The following LANCL3 variants were observed in gnomAD, a reference collection of about 807,000 sequenced individuals.
LANCL3 encodes lanC-like protein 3.
Under a neutral mutation model 26.5 loss-of-function variants are expected in LANCL3, and 19 were observed. The observed-to-expected ratio is 0.72, with a 90% CI of 0.50 to 1.05. The LOEUF is 1.05. Among genes scored for constraint, LANCL3 ranks in the 50% least tolerant of loss-of-function variants. The pLI is 0.00. For synonymous variants in LANCL3, 160 were observed against 166.6 expected (o/e 0.96, Z 0.30); for missense variants, 318 against 362.7 (o/e 0.88, Z 1.00).
At chrX:37,582,542 A>G (rs781932396) in intron 1 of LANCL3, among the ~76,000 whole-genome samples, 1 of 112,253 alleles carries the variant, frequency 8.9e-6, no homozygotes, top group African/African-American at 3.2e-5. Context: ...AGTGATGATG[A>G]GCATTTTTTC....
intron 1 of LANCL3, among the ~76,000 whole-genome samples, chrX:37,611,008 G>A (rs1280835115): frequency 9.0e-6 from 1 of 111,713 alleles, no homozygotes; most frequent in Non-Finnish European, 1.9e-5. Flanking sequence ...TAATAAGCAG[G>A]TTATCCCCAT....
At chrX:37,617,335 C>T (rs1925037523) in intron 1 of LANCL3, among the ~76,000 whole-genome samples, 1 of 111,525 alleles carries the variant, frequency 9.0e-6, no homozygotes, top group Non-Finnish European at 1.9e-5. Context: ...GTCTCCAGCG[C>T]TGATTCAGTT....
At position 37,680,458 on chromosome X, in the gene LANCL3, T is replaced by A. The variant is rs1448182585; in HGVS notation, c.*4645T>A. Reference sequence around the variant, plus strand: ...TGTTTTCTTGAATCATTGAAACTTGTCATTTTTATCTAGACTCTTCCACAA... The same window carrying A: ...TGTTTTCTTGAATCATTGAAACTTGACATTTTTATCTAGACTCTTCCACAA... On this transcript the variant is annotated 3_prime_UTR_variant, in exon 5 of 5. Transcript: ENST00000378619. 8.9e-6 allele frequency: 1 copy of A among 111,795 alleles called. No individual in the cohort carries two copies. Among genetic ancestry groups the A allele is most frequent in the Non-Finnish European group, 1.9e-5 (1 of 53,161 alleles). The allele number at this position is 111,795 out of a possible 1,213,427, so 9.2% of individuals were successfully genotyped here. A position where few individuals can be genotyped will look rare whatever the true frequency, so the allele number is the denominator to read the frequency against.
At chrX:37,594,168 A>G (rs1197657276) in intron 1 of LANCL3, among the ~76,000 whole-genome samples, 1 of 111,991 alleles carries the variant, frequency 8.9e-6, no homozygotes, top group African/African-American at 3.2e-5. Context: ...CCATTTATCT[A>G]AAGCAGAGCA....
chrX:37,632,059 A>G (rs1556424482), intron 1 of LANCL3, among the ~76,000 whole-genome samples: 1 of 111,065 alleles, frequency 9.0e-6, no homozygotes, highest in African/African-American at 3.3e-5. Flanking sequence ...GGGGTGTTAA[A>G]GTCTCCCATT....
At chrX:37,633,836 C>T (rs782661220) in intron 1 of LANCL3, among the ~76,000 whole-genome samples, 3 of 111,796 alleles carry the variant, frequency 2.7e-5, no homozygotes, top group East Asian at 2.8e-4. Flanking sequence ...TCAGTCTGCC[C>T]CTGCTGGGGG....
chrX:37,611,235 C>G (rs938844479), intron 1 of LANCL3, among the ~76,000 whole-genome samples: 1 of 112,097 alleles, frequency 8.9e-6, no homozygotes. Flanking sequence ...TTGAACAAAT[C>G]TTTCCATTAT....
At position 37,615,923 on chromosome X, in the gene LANCL3, A is replaced by T. The variant is rs189826450; in HGVS notation, c.574-39765A>T. Among the ~76,000 whole-genome samples, 4 of 112,452 alleles carry T rather than the reference A, an allele frequency of 3.6e-5. No homozygotes were observed. The Admixed American group carries it at 3.8e-4, about 11-fold the overall frequency. ...AGCAATATTATTCAAAATAATTAAAAAATAATGCCACTATTTAAGGTTTTG... is the reference window on the plus strand; with the variant it reads ...AGCAATATTATTCAAAATAATTAAATAATAATGCCACTATTTAAGGTTTTG... On this transcript the variant is annotated intron_variant, in intron 1 of 4. Coordinates refer to ENST00000378619, the MANE Select transcript of LANCL3 (RefSeq NM_001170331.2).
chrX:37,575,697 C>T (rs1923726168), intron 1 of LANCL3, among the ~76,000 whole-genome samples: 1 of 112,277 alleles, frequency 8.9e-6, no homozygotes, highest in Non-Finnish European at 1.9e-5. Flanking sequence ...TCTTGTAGAG[C>T]TGCAAGTTCC....
chrX:37,589,701 G>A (rs781841726), intron 1 of LANCL3, among the ~76,000 whole-genome samples: 10 of 111,867 alleles, frequency 8.9e-5, no homozygotes, highest in Non-Finnish European at 1.5e-4. Flanking sequence ...GTGCTTTAGC[G>A]TAGGGTGCTA....
chrX:37,661,809 G>A (rs940994799), intron 3 of LANCL3, among the ~76,000 whole-genome samples: 2 of 112,502 alleles, frequency 1.8e-5, no homozygotes, highest in Admixed American at 9.4e-5. Flanking sequence ...AATTCACAAC[G>A]TGGAGCTTCA....
At chrX:37,647,455 T>A (rs1319694213) in intron 1 of LANCL3, among the ~76,000 whole-genome samples, 1 of 112,493 alleles carries the variant, frequency 8.9e-6, no homozygotes, top group Non-Finnish European at 1.9e-5. Context: ...AAAAAAGTCA[T>A]TTTGATGTTT....
intron 1 of LANCL3, among the ~76,000 whole-genome samples, chrX:37,608,961 A>G (rs781869890): frequency 6.2e-5 from 7 of 112,305 alleles, no homozygotes; most frequent in Admixed American, 5.7e-4. Context: ...GGTGCTACAG[A>G]ATGGGAAGAT....
intron 1 of LANCL3, among the ~76,000 whole-genome samples, chrX:37,620,104 G>A (rs1556422121): frequency 2.7e-5 from 3 of 111,980 alleles, no homozygotes; most frequent in Non-Finnish European, 5.6e-5. Flanking sequence ...GAGCTCTGGA[G>A]CACATTTGGG....
At chrX:37,644,566 A>T (rs1255734130) in intron 1 of LANCL3, among the ~76,000 whole-genome samples, 1 of 111,250 alleles carries the variant, frequency 9.0e-6, no homozygotes, top group Non-Finnish European at 1.9e-5. Context: ...GAAACACTGG[A>T]TGGCATTTAG....
At chrX:37,587,027 A>G (rs1924110782) in intron 1 of LANCL3, among the ~76,000 whole-genome samples, 1 of 112,655 alleles carries the variant, frequency 8.9e-6, no homozygotes, top group Non-Finnish European at 1.9e-5. Context: ...CAGGACCCTC[A>G]GCTTCATGTC....
At chrX:37,579,013 A>C (rs1923826232) in intron 1 of LANCL3, among the ~76,000 whole-genome samples, 1 of 110,182 alleles carries the variant, frequency 9.1e-6, no homozygotes, top group Non-Finnish European at 1.9e-5. Flanking sequence ...AATTATTTTA[A>C]AAGTTAACAT....
chrX:37,669,873 A>G (rs192074655), intron 4 of LANCL3, among the ~76,000 whole-genome samples: 13 of 112,465 alleles, frequency 1.2e-4, no homozygotes, highest in African/African-American at 3.9e-4. Flanking sequence ...TGCTGGGATT[A>G]CAGGTGTGAG....
intron 1 of LANCL3, among the ~76,000 whole-genome samples, chrX:37,613,147 A>C (rs1371607424): frequency 9.3e-6 from 1 of 107,847 alleles, no homozygotes; most frequent in African/African-American, 3.4e-5. Context: ...CCACACACAA[A>C]CTCTGCATCT....
Sources: gnomAD v4.1 joint callset for allele counts (sites outside exome capture counted in the v4.1 genomes callset) on GRCh38, gnomAD v4.1.1 for gene constraint, MANE v1.5 for transcripts, NCBI Gene and HGNC (gene_info 2026-07-23, HGNC 2026-07-21) for gene names.